Variants in UGGT2 observed in about 807,000 individuals in gnomAD.
The protein encoded by UGGT2 is UDP-glucose:glycoprotein glucosyltransferase 2.
Under a neutral mutation model 192.1 loss-of-function variants are expected in UGGT2, and 180 were observed. The observed-to-expected ratio is 0.94, with a 90% CI of 0.83 to 1.06. The LOEUF (loss-of-function observed/expected upper bound fraction) is 1.06. Among genes scored for constraint, UGGT2 ranks in the 50% least tolerant of loss-of-function variants. The pLI is 0.00. For missense variants in UGGT2, 1,849 were observed against 1,795.7 expected (o/e 1.03, Z -0.54); for synonymous variants, 580 against 591.0 (o/e 0.98, Z 0.27).
chr13:95,910,941 A>G (rs1044951365), intron 20 of UGGT2, among the ~76,000 whole-genome samples: 1 of 152,218 alleles, frequency 6.6e-6, no homozygotes, highest in African/African-American at 2.4e-5. Flanking sequence ...AACTCACTCA[A>G]AACCACTCAA....
chr13:95,828,974 A>C (rs59489368), intron 38 of UGGT2, among the ~76,000 whole-genome samples: 4 of 152,212 alleles, frequency 2.6e-5, no homozygotes, highest in African/African-American at 9.7e-5. Context: ...ATCCACCATG[A>C]TCAAGTGGGT....
At chr13:95,957,714 G>A (rs145911147) in intron 12 of UGGT2, among the ~76,000 whole-genome samples, 1 of 152,344 alleles carries the variant, frequency 6.6e-6, no homozygotes, top group African/African-American at 2.4e-5. Flanking sequence ...ATTTTACAAA[G>A]AGAATAGGAA....
rs184325845 is a variant in UGGT2, at chr13:95,875,144, A to C, written c.3473+2135T>G. Reference sequence around the variant, plus strand: ...TTCTTTTTATAAAGTTAGTCATTTTAATAGATATGTGGCATATCTCGTGGT... The same window carrying C: ...TTCTTTTTATAAAGTTAGTCATTTTCATAGATATGTGGCATATCTCGTGGT... On this transcript the variant is annotated intron_variant, in intron 29 of 38. Coordinates refer to ENST00000376747, the MANE Select transcript of UGGT2 (RefSeq NM_020121.4). 1.5e-3 allele frequency among the ~76,000 whole-genome samples: 231 copies of C among 152,352 alleles called. 2 individuals carry two copies. The highest frequency in any genetic ancestry group is 5.4e-3 in the African/African-American group (225 of 41,600).
Position 95,818,843 on chromosome 13 carries a change from C to T in UGGT2, c.4528+14084G>A, listed in dbSNP as rs543270968. Among the ~76,000 whole-genome samples, 4 of 152,272 alleles carry T rather than the reference C, an allele frequency of 2.6e-5. 1 individual carries two copies. Among genetic ancestry groups the T allele is most frequent in the African/African-American group, 9.6e-5 (4 of 41,558 alleles). On this transcript the variant is annotated intron_variant, in intron 38 of 38. Coordinates refer to ENST00000376747, the MANE Select transcript of UGGT2 (RefSeq NM_020121.4). The stretch of plus-strand genomic sequence containing the variant: ...CAGAGACCTGCAGGAAGAAGCCTTT[C>T]TCAACCAGGCTAGGACTTGAGAGCC...
At chr13:95,827,404 A>G (rs939672512) in intron 38 of UGGT2, among the ~76,000 whole-genome samples, 1 of 152,204 alleles carries the variant, frequency 6.6e-6, no homozygotes, top group Non-Finnish European at 1.5e-5. Context: ...GAACAAGGAC[A>G]GAGAATGTGA....
chr13:95,876,172 T>C (rs1295359745), intron 29 of UGGT2, among the ~76,000 whole-genome samples: 1 of 152,246 alleles, frequency 6.6e-6, no homozygotes, highest in Admixed American at 6.5e-5. Flanking sequence ...CTTTCTACTA[T>C]GGCTCACTGA....
intron 17 of UGGT2, among the ~76,000 whole-genome samples, chr13:95,932,969 G>T (rs913613422): frequency 6.6e-6 from 1 of 152,146 alleles, no homozygotes; most frequent in African/African-American, 2.4e-5. Context: ...TTGATATGCT[G>T]CTGGATTCAG....
intron 29 of UGGT2, among the ~76,000 whole-genome samples, chr13:95,868,878 G>C (rs754867860): frequency 6.6e-6 from 1 of 151,486 alleles, no homozygotes; most frequent in Non-Finnish European, 1.5e-5. Flanking sequence ...TTTACTTCAG[G>C]CACTGTTTTT....
At chr13:96,032,886 A>T (rs961763972) in intron 1 of UGGT2, among the ~76,000 whole-genome samples, 1 of 152,214 alleles carries the variant, frequency 6.6e-6, no homozygotes, top group Admixed American at 6.5e-5. Context: ...CATAAACACG[A>T]CAAGCATAGG....
At chr13:95,834,317 CAA>C (rs1220322055) in intron 37 of UGGT2, among the ~76,000 whole-genome samples, 1 of 151,892 alleles carries the variant, frequency 6.6e-6, no homozygotes, top group Non-Finnish European at 1.5e-5. Context: ...GGAGCTTTGG[CAA>C]AGTCTGGAGA....
chr13:95,835,894 G>C (rs987721832), intron 37 of UGGT2, among the ~76,000 whole-genome samples: 1 of 152,122 alleles, frequency 6.6e-6, no homozygotes, highest in African/African-American at 2.4e-5. Flanking sequence ...TTAAAAATAA[G>C]TAAGAAAAAA....
intron 5 of UGGT2, among the ~76,000 whole-genome samples, chr13:96,000,102 T>C (rs531260154): frequency 6.6e-6 from 1 of 152,338 alleles, no homozygotes; most frequent in South Asian, 2.1e-4. Context: ...TTGTTGGCTG[T>C]ACTGCAACCA....
intron 8 of UGGT2, 47 bp downstream of exon 8, chr13:95,989,926 A>T: frequency 7.7e-7 from 1 of 1,303,450 alleles, no homozygotes; most frequent in Non-Finnish European, 1.1e-6. Context: ...TTAACAAAAC[A>T]GATCAGTTAC....
At chr13:96,010,306 C>T (rs1041365139) in intron 5 of UGGT2, among the ~76,000 whole-genome samples, 2 of 152,140 alleles carry the variant, frequency 1.3e-5, no homozygotes, top group African/African-American at 4.8e-5. Flanking sequence ...CTACACAGTG[C>T]ATGCCGGGCT....
Position 95,999,286 on chromosome 13 carries a change from A to G in UGGT2, c.682T>C (p.Tyr228His). The G allele has an allele frequency of 6.2e-7, 1 of 1,613,614 alleles. No homozygotes were observed. The highest frequency in any genetic ancestry group is 8.5e-7 in the Non-Finnish European group (1 of 1,179,694). The change falls in exon 6 of 39, where the codon TAC (tyrosine) becomes CAC (histidine). Residue 228 changes from tyrosine to histidine, a missense_variant. By Grantham distance (83) the Tyr-to-His change is moderately conservative. Transcript: ENST00000376747. ...YIQKPSSRKM[Y>H]LSGYGVELAI... ...AGCTCCACACCATACCCAGATAAGT[A>G]CATTTTCCGTGAGCTTGGTTTCTGT...
Position 95,877,270 on chromosome 13 carries a change from A to G in UGGT2, c.3473+9T>C. 2 of 1,579,170 alleles carry G rather than the reference A, an allele frequency of 1.3e-6. No homozygotes were observed. The highest frequency in any genetic ancestry group is 1.7e-6 in the Non-Finnish European group (2 of 1,166,328). On this transcript the variant is annotated intron_variant, in intron 29 of 38. Transcript: ENST00000376747. ...GTGTAAAAATTTAAAAGCAGCCTGCATAACTCACCCAACTATTTGATAAAT... is the reference window on the plus strand; with the variant it reads ...GTGTAAAAATTTAAAAGCAGCCTGCGTAACTCACCCAACTATTTGATAAAT...
At position 95,959,136 on chromosome 13, in the gene UGGT2, A is replaced by T. The variant is rs561818571; in HGVS notation, c.1336-9682T>A. Among the ~76,000 whole-genome samples the T allele has an allele frequency of 6.6e-5, 10 of 152,298 alleles. No homozygotes were observed. The East Asian group carries it at 9.7e-4, about 15-fold the overall frequency. On this transcript the variant is annotated intron_variant, in intron 12 of 38. Coordinates refer to ENST00000376747, the MANE Select transcript of UGGT2 (RefSeq NM_020121.4). ...TCCATATCTCTGGGGTCCCACTGAC[A>T]TTCCCTGCTAGGGCCAAGGCAGAAC...
At chr13:95,814,684 C>T (rs1566535668) in intron 38 of UGGT2, among the ~76,000 whole-genome samples, 1 of 152,162 alleles carries the variant, frequency 6.6e-6, no homozygotes, top group African/African-American at 2.4e-5. Context: ...CTCAAAACTC[C>T]AAAGTCCAAA....
intron 31 of UGGT2, among the ~76,000 whole-genome samples, chr13:95,862,844 TCTGAGACA>T (rs1594176619): frequency 6.6e-6 from 1 of 152,136 alleles, no homozygotes; most frequent in East Asian, 1.9e-4. Context: ...TCTTTAGATA[TCTGAGACA>T]ATATATTCCT....
Sources: gnomAD v4.1 joint callset for allele counts (sites outside exome capture counted in the v4.1 genomes callset) on GRCh38, gnomAD v4.1.1 for gene constraint, MANE v1.5 for transcripts, NCBI Gene and HGNC (gene_info 2026-07-23, HGNC 2026-07-21) for gene names.